PRDM16: variants seen among roughly 807,000 people sequenced by gnomAD.
PRDM16 encodes the protein PR/SET domain 16.
PRDM16 carries 23 observed loss-of-function variants against 110.6 expected under a neutral mutation model. The observed-to-expected ratio is 0.21, with a 90% CI of 0.15 to 0.29. The LOEUF (loss-of-function observed/expected upper bound fraction) is 0.29. Ranked by LOEUF, PRDM16 falls within the 10% of genes least tolerant of loss-of-function variation. The pLI, the probability that PRDM16 is intolerant of heterozygous loss-of-function variation, is 1.00. For synonymous variants in PRDM16, 799 were observed against 781.8 expected (o/e 1.02, Z -0.37); for missense variants, 1,615 against 1,794.3 (o/e 0.90, Z 1.81).
rs1221137016 is a variant in PRDM16 at position 3,434,554 on chromosome 1, A to C, written c.*743A>C. The C allele has an allele frequency of 4.3e-6, 1 of 231,578 alleles. No homozygotes were observed. Among genetic ancestry groups the C allele is most frequent in the Admixed American group, 5.6e-5 (1 of 17,736 alleles). The allele number at this position is 231,578 out of a possible 1,614,324, so 14.3% of individuals were successfully genotyped here. On this transcript the variant is annotated 3_prime_UTR_variant, in exon 17 of 17. Transcript: ENST00000270722. ...GCGGGGCCACACCCGTGAACCATGC[A>C]GACGGCCGAAGAAGTCTTAGGCAGG... is the stretch of plus-strand genomic sequence containing the variant.
chr1:3,326,005 G>A (rs1641889330), intron 3 of PRDM16, among the ~76,000 whole-genome samples: 1 of 137,152 alleles, frequency 7.3e-6, no homozygotes, highest in African/African-American at 2.9e-5. Context: ...GGCCCCCCTT[G>A]GCCATCCTCG....
intron 16 of PRDM16, 92 bp downstream of exon 16, chr1:3,432,232 C>A: frequency 8.5e-7 from 1 of 1,181,804 alleles, no homozygotes; most frequent in Non-Finnish European, 1.2e-6. Flanking sequence ...CCCTCCTAGG[C>A]CTGAGGAAGC....
At chr1:3,274,869 C>T (rs1557574316) in intron 3 of PRDM16, among the ~76,000 whole-genome samples, 1 of 152,222 alleles carries the variant, frequency 6.6e-6, no homozygotes, top group Non-Finnish European at 1.5e-5. Flanking sequence ...GGGTGTGGGT[C>T]CCGGGTCCTG....
intron 3 of PRDM16, among the ~76,000 whole-genome samples, chr1:3,320,111 G>T (rs116137449): frequency 2.6e-3 from 402 of 152,310 alleles, no homozygotes; most frequent in African/African-American, 9.5e-3. Context: ...GAACCGGGCA[G>T]GGTGTACACC....
intron 2 of PRDM16, among the ~76,000 whole-genome samples, chr1:3,240,092 AGAGGAGAGGAGAG>A (rs1385758134): frequency 6.7e-6 from 1 of 148,754 alleles, no homozygotes; most frequent in African/African-American, 2.5e-5. Context: ...AGAGGAGAGG[AGAGGAGAGGAGAG>A]GAGGAGAAGA....
chr1:3,258,157 G>GT (rs1406990106), intron 3 of PRDM16, among the ~76,000 whole-genome samples: 1 of 152,210 alleles, frequency 6.6e-6, no homozygotes, highest in African/African-American at 2.4e-5. Flanking sequence ...GGGAAGGCAA[G>GT]TATCTACCGT....
At chr1:3,191,124 T>C (rs1049126939) in intron 2 of PRDM16, among the ~76,000 whole-genome samples, 1 of 152,246 alleles carries the variant, frequency 6.6e-6, no homozygotes, top group African/African-American at 2.4e-5. Context: ...CGGCCCTGCC[T>C]GTAATCAGAA....
At chr1:3,309,821 G>C (rs531851113) in intron 3 of PRDM16, 2 of 152,570 alleles carry the variant, frequency 1.3e-5, no homozygotes, top group East Asian at 3.9e-4. Flanking sequence ...GAAAGGGAAG[G>C]GTGGGGGCCA....
At chr1:3,114,776 A>G (rs1569591372) in intron 1 of PRDM16, among the ~76,000 whole-genome samples, 1 of 152,242 alleles carries the variant, frequency 6.6e-6, no homozygotes, top group Admixed American at 6.5e-5. Flanking sequence ...CCTGCGCTTC[A>G]CCAAACAGCC....
intron 15 of PRDM16, 72 bp downstream of exon 15, chr1:3,431,180 T>C (rs1187475337): frequency 2.6e-6 from 4 of 1,512,796 alleles, no homozygotes; most frequent in Non-Finnish European, 3.5e-6. Context: ...GGGACCTCCC[T>C]CTTCAGCCAC....
chr1:3,267,386 G>T (rs960421086), intron 3 of PRDM16, among the ~76,000 whole-genome samples: 1 of 152,218 alleles, frequency 6.6e-6, no homozygotes, highest in East Asian at 1.9e-4. Flanking sequence ...CCTGCGTGGA[G>T]GGGCCACACC....
intron 4 of PRDM16, among the ~76,000 whole-genome samples, chr1:3,396,118 G>A (rs944101266): frequency 4.6e-5 from 7 of 152,076 alleles, no homozygotes; most frequent in Non-Finnish European, 7.4e-5. Context: ...CTGGCAAAGC[G>A]GGTCTCACTT....
At chr1:3,278,979 G>A (rs935751792) in intron 3 of PRDM16, among the ~76,000 whole-genome samples, 15 of 152,334 alleles carry the variant, frequency 9.8e-5, no homozygotes, top group Admixed American at 7.2e-4. Flanking sequence ...CGAGCGCGGC[G>A]CTGGCCGTGT....
rs199953459 is a variant in PRDM16, at chr1:3,116,300, C to T, written c.37+47004C>T. Among the ~76,000 whole-genome samples, 36 of 152,284 alleles carry T rather than the reference C, an allele frequency of 2.4e-4. No homozygotes were observed. The East Asian group carries it at 4.3e-3, about 18-fold the overall frequency. The stretch of plus-strand genomic sequence containing the variant: ...GCAGAGCTCCCCGGCTGCCCTGCGC[C>T]GGCGTGCTCACTCCGCGGTGCGTGC... On this transcript the variant is annotated intron_variant, in intron 1 of 16. Coordinates refer to ENST00000270722, the MANE Select transcript of PRDM16 (RefSeq NM_022114.4).
intron 1 of PRDM16, among the ~76,000 whole-genome samples, chr1:3,114,417 CAT>C (rs1356241224): frequency 1.2e-4 from 15 of 121,388 alleles, no homozygotes; most frequent in African/African-American, 4.0e-4. Flanking sequence ...CACGCACACA[CAT>C]GCACACACCA....
At chr1:3,428,032 G>C (rs921668179) in intron 14 of PRDM16, among the ~76,000 whole-genome samples, 1 of 152,186 alleles carries the variant, frequency 6.6e-6, no homozygotes, top group African/African-American at 2.4e-5. Flanking sequence ...AGCTCCCAGA[G>C]TAAGGCCAGG....
Position 3,355,164 on chromosome 1 carries a change from G to A in PRDM16, c.439-29988G>A, listed in dbSNP as rs1642569367. 2.0e-5 allele frequency among the ~76,000 whole-genome samples: 3 copies of A among 152,174 alleles called. 1 individual carries two copies. Among genetic ancestry groups the A allele is most frequent in the Non-Finnish European group, 4.4e-5 (3 of 68,040 alleles). ...CGTGGGCCACAGAACACCCAGACCT[G>A]AAGGTGTGCCGGGGAGCTCCGAGCT... On this transcript the variant is annotated intron_variant, in intron 3 of 16. Transcript: ENST00000270722.
intron 2 of PRDM16, among the ~76,000 whole-genome samples, chr1:3,225,051 C>T (rs1028976248): frequency 6.6e-5 from 10 of 152,158 alleles, no homozygotes; most frequent in Non-Finnish European, 1.0e-4. Context: ...GCCTTCATTA[C>T]GGTTCAGGTC....
chr1:3,321,874 G>A (rs1237147908), intron 3 of PRDM16, among the ~76,000 whole-genome samples: 2 of 152,020 alleles, frequency 1.3e-5, no homozygotes, highest in East Asian at 3.9e-4. Flanking sequence ...GCATTTGTGT[G>A]TGGGTGCATA....
Sources: allele counts gnomAD v4.1 joint callset (sites outside exome capture counted in the v4.1 genomes callset), GRCh38; gene constraint gnomAD v4.1.1; transcripts MANE v1.5; gene names NCBI Gene and HGNC (gene_info 2026-07-23, HGNC 2026-07-21).